The following MACROD2 variants were observed in gnomAD, a reference collection of about 807,000 sequenced individuals.
The protein encoded by MACROD2 is mono-ADP ribosylhydrolase 2.
Under a neutral mutation model 70.4 loss-of-function variants are expected in MACROD2, and 36 were observed. The observed-to-expected ratio is 0.51, with a 90% CI of 0.39 to 0.68. The LOEUF (loss-of-function observed/expected upper bound fraction) is 0.68. Ranked by LOEUF, MACROD2 falls within the 30% of genes least tolerant of loss-of-function variation. The probability of loss-of-function intolerance (pLI) is 0.00; values close to 1 mark genes in which losing one functional copy is unlikely to be tolerated. For synonymous variants in MACROD2, 172 were observed against 178.8 expected (o/e 0.96, Z 0.30); for missense variants, 496 against 538.4 (o/e 0.92, Z 0.78).
intron 3 of MACROD2, among the ~76,000 whole-genome samples, chr20:14,347,877 G>A (rs1312770811): frequency 6.6e-6 from 1 of 152,136 alleles, no homozygotes; most frequent in Non-Finnish European, 1.5e-5. Flanking sequence ...GCTTTCAGGG[G>A]TTTCTGGTGT....
At chr20:15,677,862 A>G (rs868345833) in intron 8 of MACROD2, among the ~76,000 whole-genome samples, 3 of 152,290 alleles carry the variant, frequency 2.0e-5, no homozygotes, top group South Asian at 2.1e-4. Context: ...AGGTCAAGAG[A>G]TTGAGGCCAT....
chr20:15,390,812 A>G (rs2045782451), intron 6 of MACROD2, among the ~76,000 whole-genome samples: 1 of 152,250 alleles, frequency 6.6e-6, no homozygotes, highest in Non-Finnish European at 1.5e-5. Flanking sequence ...AACTGCTTCT[A>G]ATTTGATTGG....
At chr20:15,544,270 G>C (rs1454503710) in intron 8 of MACROD2, among the ~76,000 whole-genome samples, 1 of 152,204 alleles carries the variant, frequency 6.6e-6, no homozygotes, top group Non-Finnish European at 1.5e-5. Flanking sequence ...TAGCACAGCA[G>C]AAAGGTTCAG....
Position 15,555,793 on chromosome 20 carries a change from C to T in MACROD2, c.645+55946C>T, listed in dbSNP as rs2048158661. 4.8e-5 allele frequency among the ~76,000 whole-genome samples: 6 copies of T among 123,822 alleles called. No homozygotes were observed. In the Admixed American group the frequency reaches 6.0e-4, roughly 12 times the overall value. 81.2% of individuals were successfully genotyped at this position (123,822 alleles called of 152,430 possible). ...GCAGTGAGCCAAGATTGCGCCACTG[C>T]ACTCCAGCCTGGGTGACAGACTGAG... On this transcript the variant is annotated intron_variant, in intron 8 of 17. Transcript: ENST00000684519.
intron 5 of MACROD2, among the ~76,000 whole-genome samples, chr20:14,715,410 T>C (rs1056036025): frequency 1.3e-5 from 2 of 152,214 alleles, no homozygotes; most frequent in African/African-American, 4.8e-5. Flanking sequence ...GCCTCAGCTA[T>C]TGGCAACATT....
At chr20:15,313,076 T>A (rs1043595177) in intron 6 of MACROD2, among the ~76,000 whole-genome samples, 2 of 152,202 alleles carry the variant, frequency 1.3e-5, no homozygotes, top group African/African-American at 4.8e-5. Context: ...TTTTAAATAT[T>A]CTCAGTTAAG....
intron 4 of MACROD2, among the ~76,000 whole-genome samples, chr20:14,651,808 C>A (rs796104853): frequency 2.0e-5 from 3 of 152,184 alleles, no homozygotes; most frequent in Non-Finnish European, 4.4e-5. Context: ...GACTGCCGAC[C>A]AGTGTCTCAT....
chr20:15,252,986 G>A (rs1171008326), intron 6 of MACROD2, among the ~76,000 whole-genome samples: 1 of 152,158 alleles, frequency 6.6e-6, no homozygotes, highest in Non-Finnish European at 1.5e-5. Flanking sequence ...TATCAGTCAG[G>A]ATTCAGTCAT....
At chr20:15,131,553 T>C (rs1274490191) in intron 5 of MACROD2, among the ~76,000 whole-genome samples, 2 of 152,074 alleles carry the variant, frequency 1.3e-5, no homozygotes, top group Non-Finnish European at 2.9e-5. Context: ...AGATGGAAAT[T>C]AAACGATCAT....
chr20:14,552,531 A>C (rs1191526622), intron 4 of MACROD2, among the ~76,000 whole-genome samples: 3 of 151,832 alleles, frequency 2.0e-5, no homozygotes, highest in Non-Finnish European at 4.4e-5. Flanking sequence ...ACTGTCATAC[A>C]TCACTTAAAG....
intron 5 of MACROD2, among the ~76,000 whole-genome samples, chr20:15,178,532 C>T (rs370266463): frequency 6.6e-5 from 10 of 152,164 alleles, no homozygotes; most frequent in Non-Finnish European, 1.3e-4. Flanking sequence ...TAAGTTGTTA[C>T]GCTAGAGCTT....
chr20:14,419,052 T>G (rs544184982), intron 3 of MACROD2, among the ~76,000 whole-genome samples: 13 of 149,362 alleles, frequency 8.7e-5, no homozygotes, highest in African/African-American at 2.0e-4. Context: ...GGATTTTTTT[T>G]GTTTTGTTTT....
At chr20:15,173,179 A>G (rs1410449519) in intron 5 of MACROD2, among the ~76,000 whole-genome samples, 3 of 151,116 alleles carry the variant, frequency 2.0e-5, no homozygotes, top group East Asian at 1.9e-4. Context: ...CAAAGAAATT[A>G]TCCATTACTA....
At chr20:15,441,145 C>T (rs1052691012) in intron 7 of MACROD2, among the ~76,000 whole-genome samples, 42 of 152,098 alleles carry the variant, frequency 2.8e-4, no homozygotes, top group African/African-American at 1.0e-3. Context: ...TGTTTCTAAC[C>T]CTGAGTGCTT....
chr20:14,387,092 T>C (rs1016960744), intron 3 of MACROD2, among the ~76,000 whole-genome samples: 1 of 152,262 alleles, frequency 6.6e-6, no homozygotes, highest in Non-Finnish European at 1.5e-5. Context: ...CATAGTTTTC[T>C]TCAGCTTTTT....
In MACROD2 at chr20:15,232,441, G is replaced by A. The variant is rs1051030774; in HGVS notation, c.540+2380G>A. Among the ~76,000 whole-genome samples the A allele has an allele frequency of 3.3e-5, 5 of 151,520 alleles. No homozygotes were observed. The East Asian group carries it at 5.8e-4, about 17-fold the overall frequency. ...CTTTGCCACTTATTACTGTGTGACT[G>A]TGGACAAGTAATGTCAACATTTTGT... is the stretch of plus-strand genomic sequence containing the variant. On this transcript the variant is annotated intron_variant, in intron 6 of 17. Transcript: ENST00000684519.
At chr20:14,508,645 C>G (rs1205221965) in intron 4 of MACROD2, among the ~76,000 whole-genome samples, 1 of 152,172 alleles carries the variant, frequency 6.6e-6, no homozygotes, top group African/African-American at 2.4e-5. Context: ...TAGCAATATA[C>G]CTATGAACAA....
At chr20:14,467,016 A>C (rs2084460053) in intron 3 of MACROD2, among the ~76,000 whole-genome samples, 1 of 152,180 alleles carries the variant, frequency 6.6e-6, no homozygotes, top group African/African-American at 2.4e-5. Flanking sequence ...GCCCATTCTC[A>C]GATCTCAAAC....
chr20:14,497,260 T>G (rs1288190576), intron 4 of MACROD2, among the ~76,000 whole-genome samples: 2 of 151,742 alleles, frequency 1.3e-5, no homozygotes, highest in African/African-American at 4.9e-5. Context: ...CTGCCCAGAT[T>G]CATATACTTT....
Sources: gnomAD v4.1 joint callset for allele counts (sites outside exome capture counted in the v4.1 genomes callset) on GRCh38, gnomAD v4.1.1 for gene constraint, MANE v1.5 for transcripts, NCBI Gene and HGNC (gene_info 2026-07-23, HGNC 2026-07-21) for gene names.